Variants in PPM1H observed in about 807,000 individuals in gnomAD.
PPM1H encodes the protein protein phosphatase 1H.
In PPM1H, 27 loss-of-function variants were observed where a neutral mutation model predicts 54.9. The ratio of observed to expected loss-of-function variants is 0.49; its 90% CI spans 0.36 to 0.68. The LOEUF is 0.68. Among genes scored for constraint, PPM1H ranks in the 30% least tolerant of loss-of-function variants. The probability of loss-of-function intolerance (pLI) is 0.00; values close to 1 mark genes in which losing one functional copy is unlikely to be tolerated. For synonymous variants in PPM1H, 305 were observed against 270.8 expected (o/e 1.13, Z -1.24); for missense variants, 596 against 667.8 (o/e 0.89, Z 1.19).
At chr12:62,765,512 A>G (rs2076537004) in intron 4 of PPM1H, among the ~76,000 whole-genome samples, 1 of 152,190 alleles carries the variant, frequency 6.6e-6, no homozygotes, top group Non-Finnish European at 1.5e-5. Context: ...AATACTATAC[A>G]TAATCAATTT....
chr12:62,686,253 C>G (rs569065210), intron 8 of PPM1H, among the ~76,000 whole-genome samples: 114 of 152,352 alleles, frequency 7.5e-4, no homozygotes, highest in Non-Finnish European at 2.4e-4. Context: ...GATCTAAAAT[C>G]TAATGCATAC....
In PPM1H at chr12:62,663,883, A is replaced by C. The variant is rs567641232; in HGVS notation, c.1397+3295T>G. Among the ~76,000 whole-genome samples the C allele has an allele frequency of 4.0e-4, 61 of 152,066 alleles. No homozygotes were observed. The East Asian group carries it at 0.011, about 28-fold the overall frequency. On this transcript the variant is annotated intron_variant, in intron 9 of 9. Transcript: ENST00000228705. ...GCACATGCCTGTAATCCCAGCTACTAGGGAGGCTGAGGCAGGAGAATTGCT... is the reference window on the plus strand; with the variant it reads ...GCACATGCCTGTAATCCCAGCTACTCGGGAGGCTGAGGCAGGAGAATTGCT...
chr12:62,753,410 G>C (rs2076453196), intron 4 of PPM1H, among the ~76,000 whole-genome samples: 1 of 152,194 alleles, frequency 6.6e-6, no homozygotes, highest in African/African-American at 2.4e-5. Context: ...TACTCACGTG[G>C]ATTGTTGTTC....
intron 1 of PPM1H, among the ~76,000 whole-genome samples, chr12:62,932,272 G>C (rs1000882750): frequency 2.6e-5 from 4 of 152,032 alleles, no homozygotes; most frequent in Admixed American, 2.6e-4. Context: ...CAGAGAGGAT[G>C]GGGGGAGCCC....
chr12:62,753,087 T>G (rs1043749436), intron 4 of PPM1H, among the ~76,000 whole-genome samples: 1 of 152,136 alleles, frequency 6.6e-6, no homozygotes. Context: ...GCTAGTTAAA[T>G]TATAAAATTG....
intron 1 of PPM1H, among the ~76,000 whole-genome samples, chr12:62,932,562 C>T (rs1257999403): frequency 1.3e-5 from 2 of 148,594 alleles, no homozygotes; most frequent in Admixed American, 1.3e-4. Flanking sequence ...CACAAGGACC[C>T]CCATCTACAC....
chr12:62,922,012 C>T (rs1316017288), intron 1 of PPM1H, among the ~76,000 whole-genome samples: 4 of 152,118 alleles, frequency 2.6e-5, no homozygotes. Flanking sequence ...ATAAAATGTA[C>T]AGATTGGTTT....
chr12:62,760,759 ATAGT>A (rs896359821), intron 4 of PPM1H, among the ~76,000 whole-genome samples: 4 of 152,228 alleles, frequency 2.6e-5, no homozygotes, highest in African/African-American at 9.6e-5. Flanking sequence ...TGTCATCCTA[ATAGT>A]TAGGCCAATT....
At chr12:62,708,318 C>A (rs2076186798) in intron 6 of PPM1H, among the ~76,000 whole-genome samples, 1 of 152,184 alleles carries the variant, frequency 6.6e-6, no homozygotes, top group Non-Finnish European at 1.5e-5. Flanking sequence ...GTGTGGATTA[C>A]TAGGGTAAGC....
At chr12:62,706,455 T>C (rs2076174809) in intron 6 of PPM1H, among the ~76,000 whole-genome samples, 1 of 152,274 alleles carries the variant, frequency 6.6e-6, no homozygotes, top group African/African-American at 2.4e-5. Context: ...CAGCCATTGT[T>C]AAATTTTCTG....
chr12:62,832,536 G>A (rs1203908942), intron 1 of PPM1H, among the ~76,000 whole-genome samples: 1 of 152,192 alleles, frequency 6.6e-6, no homozygotes, highest in Non-Finnish European at 1.5e-5. Context: ...TCTGATAGAT[G>A]TGATCAAATA....
At chr12:62,810,059 T>C (rs2076825586) in intron 2 of PPM1H, among the ~76,000 whole-genome samples, 1 of 152,152 alleles carries the variant, frequency 6.6e-6, no homozygotes, top group South Asian at 2.1e-4. Flanking sequence ...TGTGTCTCAT[T>C]TGCTCTGGTA....
intron 5 of PPM1H, among the ~76,000 whole-genome samples, chr12:62,726,813 G>A (rs1003115604): frequency 1.4e-4 from 21 of 152,208 alleles, no homozygotes; most frequent in African/African-American, 4.3e-4. Context: ...GCATTCTGGA[G>A]TCCTGAGTCT....
At chr12:62,886,869 A>T (rs1870607709) in intron 1 of PPM1H, among the ~76,000 whole-genome samples, 1 of 152,214 alleles carries the variant, frequency 6.6e-6, no homozygotes, top group Non-Finnish European at 1.5e-5. Context: ...TGCGGTTTTA[A>T]CTCAGTAAAG....
intron 4 of PPM1H, among the ~76,000 whole-genome samples, chr12:62,753,640 A>G (rs1052872915): frequency 1.3e-5 from 2 of 152,230 alleles, no homozygotes; most frequent in Non-Finnish European, 2.9e-5. Flanking sequence ...CCCTCTTGGA[A>G]AAAGGCCATG....
intron 5 of PPM1H, among the ~76,000 whole-genome samples, chr12:62,722,381 C>T (rs567251124): frequency 5.3e-5 from 8 of 152,246 alleles, no homozygotes; most frequent in Non-Finnish European, 1.2e-4. Flanking sequence ...AAGCAGGAGT[C>T]GATTTGATTT....
At chr12:62,758,746 C>A (rs1223401383) in intron 4 of PPM1H, among the ~76,000 whole-genome samples, 4 of 152,190 alleles carry the variant, frequency 2.6e-5, no homozygotes, top group Non-Finnish European at 2.9e-5. Flanking sequence ...AATTTCTTTT[C>A]TCCATGAAAT....
intron 1 of PPM1H, among the ~76,000 whole-genome samples, chr12:62,846,302 C>A (rs1868964522): frequency 6.6e-6 from 1 of 152,060 alleles, no homozygotes; most frequent in Non-Finnish European, 1.5e-5. Flanking sequence ...AGTTCGAGAC[C>A]AGCCTAGCCA....
chr12:62,864,585 A>G (rs1284533043), intron 1 of PPM1H, among the ~76,000 whole-genome samples: 3 of 152,256 alleles, frequency 2.0e-5, no homozygotes, highest in African/African-American at 4.8e-5. Context: ...TAGATATATG[A>G]AAACTTTTTT....
Sources: allele counts gnomAD v4.1 joint callset (sites outside exome capture counted in the v4.1 genomes callset), GRCh38; gene constraint gnomAD v4.1.1; transcripts MANE v1.5; gene names NCBI Gene and HGNC (gene_info 2026-07-23, HGNC 2026-07-21).